Variants in PCDHA3 observed in about 807,000 individuals in gnomAD.
The protein encoded by PCDHA3 is protocadherin alpha 3.
PCDHA3 carries 41 observed loss-of-function variants against 62.2 expected under a neutral mutation model. The observed-to-expected ratio is 0.66, with a 90% CI of 0.51 to 0.86. The LOEUF is 0.86. PCDHA3 is among the 40% of genes least tolerant of loss of function. The pLI, the probability that PCDHA3 is intolerant of heterozygous loss-of-function variation, is 0.00. For missense variants in PCDHA3, 1,304 were observed against 1,241.2 expected, an observed-to-expected ratio of 1.05 and a Z score of -0.76; for synonymous variants, 640 against 555.4, an observed-to-expected ratio of 1.15 and a Z score of -2.14.
intron 1 of PCDHA3, among the ~76,000 whole-genome samples, chr5:140,838,712 G>A (rs2150291764): frequency 1.3e-5 from 2 of 152,012 alleles, no homozygotes; most frequent in Non-Finnish European, 2.9e-5. Flanking sequence ...GAGGCAGGAG[G>A]ATTGCTTCAG....
At chr5:140,920,842 A>G (rs1377558160) in intron 1 of PCDHA3, among the ~76,000 whole-genome samples, 1 of 127,576 alleles carries the variant, frequency 7.8e-6, no homozygotes, top group Non-Finnish European at 1.7e-5. Flanking sequence ...GACCAAATCT[A>G]AAAAAAAAAA....
At chr5:140,938,631 T>C (rs1554212262) in intron 1 of PCDHA3, among the ~76,000 whole-genome samples, 1 of 152,208 alleles carries the variant, frequency 6.6e-6, no homozygotes. Context: ...AGGTTGCTTA[T>C]GATGTATAAT....
intron 1 of PCDHA3, chr5:140,966,746 C>T: frequency 1.4e-6 from 2 of 1,425,932 alleles, no homozygotes; most frequent in Non-Finnish European, 1.8e-6. Context: ...TGCCCGGCTG[C>T]CTCCGCCGCG....
intron 1 of PCDHA3, among the ~76,000 whole-genome samples, chr5:140,972,314 GTGT>G (rs1387433472): frequency 1.3e-5 from 2 of 150,490 alleles, no homozygotes; most frequent in Non-Finnish European, 3.0e-5. Context: ...TAGTTTTTAG[GTGT>G]TTTTTTTTTT....
In PCDHA3 at chr5:141,011,865, G is replaced by A. The variant is rs372303007; in HGVS notation, c.*1928G>A. Reference sequence around the variant, plus strand: ...TAAGACATTTTAATTTTGTTATAATGTACAATTTAGAAGTTTGATTAATTA... The same window carrying A: ...TAAGACATTTTAATTTTGTTATAATATACAATTTAGAAGTTTGATTAATTA... On this transcript the variant is annotated 3_prime_UTR_variant, in exon 4 of 4. Coordinates refer to ENST00000522353, the MANE Select transcript of PCDHA3 (RefSeq NM_018906.3). 40 of 153,574 alleles carry A rather than the reference G, an allele frequency of 2.6e-4. No individual in the cohort carries two copies. The highest frequency in any genetic ancestry group is 3.4e-3 in the Middle Eastern group (1 of 294). 9.5% of individuals were successfully genotyped at this position (153,574 alleles called of 1,614,324 possible).
In PCDHA3 at chr5:140,852,554, C is replaced by T. The variant is rs2150518333; in HGVS notation, c.2394+48963C>T. On this transcript the variant is annotated intron_variant, in intron 1 of 3. Coordinates refer to ENST00000522353, the MANE Select transcript of PCDHA3 (RefSeq NM_018906.3). ...GCCTCCCAAAGTGCTGGGATTAAAG[C>T]TGTGAGCCACTGTGCCAAGGCTTTT... The T allele has an allele frequency of 2.3e-3, 1,476 of 640,248 alleles. 60 individuals are homozygous for T. The highest frequency in any genetic ancestry group is 1.6e-3 in the Non-Finnish European group (826 of 501,678). 39.7% of individuals were successfully genotyped at this position (640,248 alleles called of 1,614,324 possible).
chr5:140,821,706 T>A (rs1767033084), intron 1 of PCDHA3: 3 of 1,441,004 alleles, frequency 2.1e-6, no homozygotes, highest in Non-Finnish European at 1.9e-6. Flanking sequence ...TATAGTTAAT[T>A]GGGAATTGAA....
chr5:140,826,679 A>T (rs184040135), intron 1 of PCDHA3, among the ~76,000 whole-genome samples: 11 of 152,308 alleles, frequency 7.2e-5, no homozygotes, highest in East Asian at 5.8e-4. Flanking sequence ...GACGTAATTA[A>T]AAAAACCCAG....
rs2150363353 is a variant in PCDHA3 at position 140,843,609 on chromosome 5, G to A, written c.2394+40018G>A. The A allele has an allele frequency of 1.3e-6, 2 of 1,596,016 alleles. No homozygotes were observed. Among genetic ancestry groups the A allele is most frequent in the Non-Finnish European group, 1.7e-6 (2 of 1,165,520 alleles). ...CCGCAGAGGGTGTGCTCTGGTGAGGGGCCACCGAAGACGGACCTCATGGCC... is the reference window on the plus strand; with the variant it reads ...CCGCAGAGGGTGTGCTCTGGTGAGGAGCCACCGAAGACGGACCTCATGGCC... On this transcript the variant is annotated intron_variant, in intron 1 of 3. Transcript: ENST00000522353.
intron 1 of PCDHA3, chr5:140,928,911 A>G: frequency 6.2e-7 from 1 of 1,614,184 alleles, no homozygotes; most frequent in Non-Finnish European, 8.5e-7. Flanking sequence ...TCTGGGAACC[A>G]GGAGGGCAGC....
chr5:140,806,622 C>T (rs913788240), intron 1 of PCDHA3, among the ~76,000 whole-genome samples: 2 of 138,992 alleles, frequency 1.4e-5, no homozygotes. Flanking sequence ...AAGTCAACAA[C>T]ACCAGAAATA....
chr5:140,856,312 G>C, intron 1 of PCDHA3: 1 of 1,598,632 alleles, frequency 6.3e-7, no homozygotes, highest in Non-Finnish European at 8.6e-7. Context: ...TGAATTCTCG[G>C]ATTGACCGCG....
At chr5:140,960,742 T>C (rs1336861398) in intron 1 of PCDHA3, among the ~76,000 whole-genome samples, 1 of 151,530 alleles carries the variant, frequency 6.6e-6, no homozygotes, top group Non-Finnish European at 1.5e-5. Flanking sequence ...TTTTAGTCCA[T>C]GGCTAAAATC....
At chr5:140,884,022 T>G (rs2059946002) in intron 1 of PCDHA3, 1 of 1,613,028 alleles carries the variant, frequency 6.2e-7, no homozygotes, top group Non-Finnish European at 8.5e-7. Context: ...CCGCGGTCGG[T>G]GGGTGCAGGC....
intron 1 of PCDHA3, among the ~76,000 whole-genome samples, chr5:140,970,888 A>G (rs1452967166): frequency 6.6e-6 from 1 of 152,154 alleles, no homozygotes; most frequent in Non-Finnish European, 1.5e-5. Flanking sequence ...TTTCTCATGG[A>G]CATTTCAGAT....
intron 1 of PCDHA3, among the ~76,000 whole-genome samples, chr5:140,977,853 C>T (rs2096777992): frequency 6.6e-6 from 1 of 152,212 alleles, no homozygotes; most frequent in Admixed American, 6.5e-5. Context: ...GGCTTTGTTT[C>T]TACCAAATAT....
chr5:140,884,961 C>A (rs1454276450), intron 1 of PCDHA3, among the ~76,000 whole-genome samples: 1 of 152,126 alleles, frequency 6.6e-6, no homozygotes, highest in Non-Finnish European at 1.5e-5. Context: ...AAATTCCTCA[C>A]GTTGTGAGAA....
At chr5:140,921,473 C>T (rs2080232887) in intron 1 of PCDHA3, among the ~76,000 whole-genome samples, 1 of 152,186 alleles carries the variant, frequency 6.6e-6, no homozygotes, top group African/African-American at 2.4e-5. Flanking sequence ...CACTACCAAA[C>T]CACTCTACCT....
intron 1 of PCDHA3, chr5:140,857,965 T>C: frequency 6.3e-7 from 1 of 1,597,084 alleles, no homozygotes; most frequent in Non-Finnish European, 8.6e-7. Context: ...TGGATGAGAC[T>C]GACTCGCCAC....
Sources: allele counts gnomAD v4.1 joint callset (sites outside exome capture counted in the v4.1 genomes callset), GRCh38; gene constraint gnomAD v4.1.1; transcripts MANE v1.5; gene names NCBI Gene and HGNC (gene_info 2026-07-23, HGNC 2026-07-21).